Variants in CIB2 observed in about 807,000 individuals in gnomAD.
CIB2 encodes the protein calcium and integrin binding family member 2.
Under a neutral mutation model 23.1 loss-of-function variants are expected in CIB2, and 19 were observed. The observed-to-expected ratio is 0.82, with a 90% confidence interval of 0.57 to 1.21. CIB2 has a LOEUF of 1.21. Ranked by LOEUF, CIB2 falls within the 50% of genes most tolerant of loss-of-function variation. The probability of loss-of-function intolerance (pLI) is 0.00; values close to 1 mark genes in which losing one functional copy is unlikely to be tolerated. For synonymous variants in CIB2, 94 were observed against 91.7 expected (o/e 1.03, Z -0.14); for missense variants, 220 against 241.5 (o/e 0.91, Z 0.59).
chr15:78,126,641 T>C (rs2074385387), intron 1 of CIB2, among the ~76,000 whole-genome samples: 1 of 152,178 alleles, frequency 6.6e-6, no homozygotes, highest in Non-Finnish European at 1.5e-5. Context: ...TAATACAGGC[T>C]TGTGGGATGA....
chr15:78,116,858 A>G (rs2141901069), intron 2 of CIB2, among the ~76,000 whole-genome samples: 1 of 151,930 alleles, frequency 6.6e-6, no homozygotes, highest in South Asian at 2.1e-4. Flanking sequence ...AGGGGAAAGG[A>G]TTGCTTGAGG....
chr15:78,105,051 G>A lies in CIB2; in HGVS notation c.*260C>T, dbSNP rs2074044157. 2.0e-6 allele frequency: 1 copy of A among 512,322 alleles called. No homozygotes were observed. Among genetic ancestry groups the A allele is most frequent in the Non-Finnish European group, 3.5e-6 (1 of 282,118 alleles). 31.7% of individuals were successfully genotyped at this position (512,322 alleles called of 1,614,324 possible). ...ATTTCTGGAGTAGGAAAGGACTGGG[G>A]CATGGGGCGGGGTGCGGAGGGCCTG... On this transcript the variant is annotated 3_prime_UTR_variant, in exon 6 of 6. Coordinates refer to ENST00000258930, the MANE Select transcript of CIB2 (RefSeq NM_006383.4).
chr15:78,129,090 G>A lies in CIB2; in HGVS notation c.51+2075C>T, dbSNP rs1389163150. ...TTAAATGTTGGGAATCACCGGCACC[G>A]GGAACCAAGAGGGTGCACCCTGCCC... is the stretch of plus-strand genomic sequence containing the variant. On this transcript the variant is annotated intron_variant, in intron 1 of 5. Transcript: ENST00000258930. 3.3e-5 allele frequency among the ~76,000 whole-genome samples: 5 copies of A among 152,174 alleles called. 1 individual carries two copies. The highest frequency in any genetic ancestry group is 2.1e-4 in the South Asian group (1 of 4,816).
intron 1 of CIB2, among the ~76,000 whole-genome samples, chr15:78,128,776 G>A (rs1165135528): frequency 1.3e-5 from 2 of 151,724 alleles, no homozygotes; most frequent in Non-Finnish European, 2.9e-5. Flanking sequence ...AGGGGGATGG[G>A]CAGGAGGGGC....
intron 1 of CIB2, among the ~76,000 whole-genome samples, chr15:78,128,694 CAAA>C (rs531565613): frequency 3.7e-5 from 2 of 54,496 alleles, no homozygotes; most frequent in African/African-American, 6.3e-5. Context: ...GACTCCGTCT[CAAA>C]AAAAAAAAAA....
intron 4 of CIB2, 31 bp downstream of exon 4, chr15:78,109,204 T>G: frequency 9.2e-5 from 72 of 780,754 alleles, no homozygotes; most frequent in Non-Finnish European, 1.2e-4. Context: ...CCCCACCGCA[T>G]ATTCAGGCCC....
chr15:78,122,804 A>C (rs1233518495), intron 2 of CIB2, among the ~76,000 whole-genome samples: 1 of 152,198 alleles, frequency 6.6e-6, no homozygotes, highest in Non-Finnish European at 1.5e-5. Context: ...GACAGGTTGG[A>C]ATAGCAGCCT....
chr15:78,110,349 C>G (rs1458795999), intron 3 of CIB2, among the ~76,000 whole-genome samples: 1 of 152,234 alleles, frequency 6.6e-6, no homozygotes, highest in Non-Finnish European at 1.5e-5. Context: ...TGAGCTTGCT[C>G]TTGAGCCCCT....
intron 1 of CIB2, among the ~76,000 whole-genome samples, chr15:78,127,027 G>T (rs1168287542): frequency 6.6e-6 from 1 of 152,174 alleles, no homozygotes; most frequent in Non-Finnish European, 1.5e-5. Context: ...CTGAGCCTCA[G>T]TTTCTGCATC....
At chr15:78,120,515 A>G in intron 2 of CIB2, 1 of 983,504 alleles carries the variant, frequency 1.0e-6, no homozygotes, top group Non-Finnish European at 1.2e-6. Flanking sequence ...CCCGCTGATT[A>G]AAGAGCACAG....
chr15:78,123,306 T>C (rs2074342884), intron 2 of CIB2, among the ~76,000 whole-genome samples: 1 of 152,074 alleles, frequency 6.6e-6, no homozygotes, highest in Non-Finnish European at 1.5e-5. Context: ...CAGGATGCAG[T>C]GAAATAGCAA....
chr15:78,109,413 G>A (rs1401829209), intron 3 of CIB2, 31 bp from the exon 4 acceptor site: 1 of 1,613,328 alleles, frequency 6.2e-7, no homozygotes, highest in Admixed American at 1.7e-5. Context: ...AATCACTGTG[G>A]GTGCAGGATA....
At chr15:78,127,360 T>C (rs1490688629) in intron 1 of CIB2, among the ~76,000 whole-genome samples, 1 of 151,958 alleles carries the variant, frequency 6.6e-6, no homozygotes, top group Non-Finnish European at 1.5e-5. Flanking sequence ...CAGGGACAGG[T>C]CTTCCGGCAA....
intron 2 of CIB2, chr15:78,120,840 T>G: frequency 3.6e-6 from 2 of 552,856 alleles, no homozygotes; most frequent in Non-Finnish European, 4.6e-6. Context: ...AAAACCATCC[T>G]GGTGGGGGTG....
chr15:78,130,685 T>TC (rs1003810035), intron 1 of CIB2, among the ~76,000 whole-genome samples: 17 of 151,960 alleles, frequency 1.1e-4, no homozygotes, highest in Non-Finnish European at 2.4e-4. Flanking sequence ...AACAAGACAG[T>TC]CCCAAGGGAA....
chr15:78,107,055 C>G (rs551540896), intron 4 of CIB2, among the ~76,000 whole-genome samples: 1 of 151,224 alleles, frequency 6.6e-6, no homozygotes, highest in Non-Finnish European at 1.5e-5. Flanking sequence ...GGTGAAACCC[C>G]GTCTCTACTA....
intron 1 of CIB2, among the ~76,000 whole-genome samples, chr15:78,129,370 T>C (rs1360948465): frequency 1.3e-5 from 2 of 152,092 alleles, no homozygotes; most frequent in African/African-American, 2.4e-5. Flanking sequence ...AGTAACCCAA[T>C]GCCAGGCTGG....
intron 2 of CIB2, among the ~76,000 whole-genome samples, chr15:78,119,083 G>A (rs1041812629): frequency 6.6e-6 from 1 of 151,856 alleles, no homozygotes; most frequent in Non-Finnish European, 1.5e-5. Flanking sequence ...GGGTGGCTGA[G>A]GCAGGAGAAT....
At chr15:78,128,981 T>C (rs1471634976) in intron 1 of CIB2, among the ~76,000 whole-genome samples, 1 of 151,924 alleles carries the variant, frequency 6.6e-6, no homozygotes, top group Non-Finnish European at 1.5e-5. Flanking sequence ...GCAGTGGGTG[T>C]TGGAGAGGCT....
Sources: gnomAD v4.1 joint callset for allele counts (sites outside exome capture counted in the v4.1 genomes callset) on GRCh38, gnomAD v4.1.1 for gene constraint, MANE v1.5 for transcripts, NCBI Gene and HGNC (gene_info 2026-07-23, HGNC 2026-07-21) for gene names.